HERC2: variants seen among roughly 807,000 people sequenced by gnomAD.
The protein encoded by HERC2 is E3 ubiquitin-protein ligase HERC2.
A neutral mutation model predicts 537.7 loss-of-function variants in HERC2; 102 were observed. The ratio of observed to expected loss-of-function variants is 0.19; its 90% CI spans 0.16 to 0.22. The LOEUF is 0.22. Ranked by LOEUF, HERC2 falls within the 10% of genes least tolerant of loss-of-function variation. The pLI is 1.00. For synonymous variants in HERC2, 2,224 were observed against 2,466.2 expected, an observed-to-expected ratio of 0.90 and a Z score of 2.91; for missense variants, 4,236 against 6,198.2, an observed-to-expected ratio of 0.68 and a Z score of 10.63.
In HERC2 at chr15:28,213,942, C is replaced by T. The variant is rs200403368; in HGVS notation, c.6586G>A (p.Glu2196Lys). 12 of 1,613,944 alleles carry T rather than the reference C, an allele frequency of 7.4e-6. No individual in the cohort carries two copies. Among genetic ancestry groups the T allele is most frequent in the East Asian group, 2.2e-5 (1 of 44,880 alleles). ...AQLEDYFPDS[E>K]NPEVGGLMAV... ...ATGAGGCCCCCCACTTCAGGGTTCT[C>T]GGAGTCGGGGAAGTAGTCCTCTAAC... Residue 2196 changes from glutamate to lysine, a missense_variant, in exon 42 of 93, where the codon GAG (glutamate) becomes AAG (lysine). By Grantham distance (56) the Glu-to-Lys change is moderately conservative. Transcript: ENST00000261609.
chr15:28,203,491 G>A (rs925173750), intron 45 of HERC2: 1 of 152,068 alleles, frequency 6.6e-6, no homozygotes, highest in African/African-American at 2.4e-5. Context: ...TTGAGAGTTA[G>A]GATGCACTGG....
chr15:28,305,443 A>C (rs1421498790), intron 2 of HERC2, among the ~76,000 whole-genome samples: 10 of 139,418 alleles, frequency 7.2e-5, no homozygotes, highest in East Asian at 4.0e-4. Context: ...TTCCCTATTT[A>C]ATAAATGGTG....
chr15:28,287,939 T>C (rs1354816394), intron 4 of HERC2, among the ~76,000 whole-genome samples: 1 of 152,072 alleles, frequency 6.6e-6, no homozygotes, highest in African/African-American at 2.4e-5. Context: ...TTAGCCAGCA[T>C]GGTCTCGATC....
chr15:28,228,227 G>T lies in HERC2; in HGVS notation c.5455C>A (p.Arg1819Ser), dbSNP rs202167023. ...GCGGGTGCAGACCTACCAATCAGGC[G>T]CAGTGCCGTCTGCGTGAGGGCCAGC... Reference protein sequence around the residue: ...GMLALTQTALRLIGPSCDNVE... With the variant: ...GMLALTQTALSLIGPSCDNVE... Residue 1819 changes from arginine to serine, a missense_variant, in exon 35 of 93, where the codon CGC (arginine) becomes AGC (serine). Arg to Ser is a moderately radical substitution (Grantham distance 110, BLOSUM62 -1). Coordinates refer to ENST00000261609, the MANE Select transcript of HERC2 (RefSeq NM_004667.6). 7 of 1,613,314 alleles carry T rather than the reference G, an allele frequency of 4.3e-6. No homozygotes were observed. Among genetic ancestry groups the T allele is most frequent in the Non-Finnish European group, 5.9e-6 (7 of 1,179,728 alleles).
At chr15:28,119,726 T>A (rs1888672759) in intron 86 of HERC2, among the ~76,000 whole-genome samples, 1 of 152,074 alleles carries the variant, frequency 6.6e-6, no homozygotes, top group Non-Finnish European at 1.5e-5. Flanking sequence ...AGTGCTGGGA[T>A]TACAGGCATG....
In HERC2 at chr15:28,186,740, T is replaced by C. The variant is rs1267298415; in HGVS notation, c.8662A>G (p.Ile2888Val). ...LNDCTEYHRY[I>V]EIAIKQCRSS... The stretch of plus-strand genomic sequence containing the variant: ...CTGCACTGCTTTATAGCAATTTCAA[T>C]ATACCTGTGATACTAGACACAAAAA... The change falls in exon 56 of 93, where the codon ATT becomes GTT. Residue 2888 changes from isoleucine to valine, a missense_variant. Physicochemically the swap from Ile to Val is conservative, Grantham distance 29. Coordinates refer to ENST00000261609, the MANE Select transcript of HERC2 (RefSeq NM_004667.6). 1 of 1,613,052 alleles carries C rather than the reference T, an allele frequency of 6.2e-7. No homozygotes were observed. The highest frequency in any genetic ancestry group is 2.2e-5 in the East Asian group (1 of 44,878).
chr15:28,130,625 C>A (rs773153037), intron 81 of HERC2, 31 bp from the exon 82 acceptor site: 1 of 1,471,862 alleles, frequency 6.8e-7, no homozygotes, highest in Non-Finnish European at 9.5e-7. Flanking sequence ...ATTAGACAGA[C>A]AGCAACAAGG....
At chr15:28,210,429 C>T (rs934847305) in intron 44 of HERC2, among the ~76,000 whole-genome samples, 28 of 152,350 alleles carry the variant, frequency 1.8e-4, no homozygotes, top group African/African-American at 6.7e-4. Context: ...AGCCATTGTG[C>T]CCGGCTGGTG....
Position 28,169,404 on chromosome 15 carries a change from G to A in HERC2, c.10229+80C>T, listed in dbSNP as rs1181370108. The stretch of plus-strand genomic sequence containing the variant: ...TAATACAACATTCTTGGAGACATCT[G>A]ATCAACGAAAAGAAAAAAAATCACA... On this transcript the variant is annotated intron_variant, in intron 66 of 92. Coordinates refer to ENST00000261609, the MANE Select transcript of HERC2 (RefSeq NM_004667.6). 4.9e-5 allele frequency: 50 copies of A among 1,027,556 alleles called. 1 individual carries two copies. The highest frequency in any genetic ancestry group is 7.2e-5 in the Non-Finnish European group (50 of 693,464). 63.7% of individuals were successfully genotyped at this position (1,027,556 alleles called of 1,614,324 possible). A position where few individuals can be genotyped will look rare whatever the true frequency, so the allele number is the denominator to read the frequency against.
At chr15:28,240,228 C>T (rs1425406528) in intron 23 of HERC2, among the ~76,000 whole-genome samples, 7 of 152,134 alleles carry the variant, frequency 4.6e-5, no homozygotes, top group Admixed American at 1.3e-4. Flanking sequence ...ACCATCCTGG[C>T]TAACACGGTG....
rs1448642690 is a variant in HERC2 at position 28,113,562 on chromosome 15, G to T, written c.14019+11C>A. On this transcript the variant is annotated intron_variant, in intron 91 of 92. Transcript: ENST00000261609. This position sits in a 1 kb window ranked among gnomAD's most constrained non-coding sequence, Gnocchi z 7.0. ...CAGCTGCAGGGCAGCCCCACCTGGG[G>T]GTCGGCATACCATCGTCTCCAGTTC... 1.2e-6 allele frequency: 2 copies of T among 1,611,190 alleles called. No individual in the cohort carries two copies. Among genetic ancestry groups the T allele is most frequent in the African/African-American group, 2.7e-5 (2 of 74,864 alleles).
intron 4 of HERC2, among the ~76,000 whole-genome samples, chr15:28,291,387 G>A (rs2076306726): frequency 6.6e-6 from 1 of 151,994 alleles, no homozygotes; most frequent in South Asian, 2.1e-4. Flanking sequence ...ACCATGGCAG[G>A]CGTCACAAAT....
chr15:28,288,535 CAAA>C (rs1216166029), intron 4 of HERC2, among the ~76,000 whole-genome samples: 11 of 82,406 alleles, frequency 1.3e-4, no homozygotes, highest in Admixed American at 1.3e-4. Context: ...AACTCCGACT[CAAA>C]AAAAAAAAAA....
In HERC2 at chr15:28,141,739, C is replaced by G. The variant is rs1407489266; in HGVS notation, c.11808G>C (p.Trp3936Cys). 2 of 1,613,372 alleles carry G rather than the reference C, an allele frequency of 1.2e-6. No homozygotes were observed. Among genetic ancestry groups the G allele is most frequent in the Admixed American group, 1.7e-5 (1 of 60,028 alleles). ...KREQDEQLVQWMNRRPDDWTL... is the reference protein window; with the variant it reads ...KREQDEQLVQCMNRRPDDWTL... ...GTTTCTAATATAATAACCTGTTCAT[C>G]CACTGCACAAGTTGTTCGTCTTGCT... Residue 3936 changes from tryptophan (W) to cysteine (C), a missense_variant, in exon 77 of 93, where the codon TGG becomes TGC. By Grantham distance (215) the Trp-to-Cys change is radical (BLOSUM62 -2). Transcript: ENST00000261609.
intron 45 of HERC2, among the ~76,000 whole-genome samples, chr15:28,204,637 T>TA (rs1898220293): frequency 6.9e-6 from 1 of 145,144 alleles, no homozygotes; most frequent in Non-Finnish European, 1.5e-5. Context: ...AAAAAAAAGA[T>TA]AGACTTAAAG....
intron 88 of HERC2, among the ~76,000 whole-genome samples, chr15:28,116,307 G>A (rs759886060): frequency 2.0e-5 from 3 of 151,278 alleles, no homozygotes; most frequent in Non-Finnish European, 4.4e-5. Context: ...TCCGCCTCCC[G>A]GGTTCAAGCA....
At chr15:28,220,747 T>C (rs893598175) in intron 36 of HERC2, 103 bp from the exon 37 acceptor site, 3 of 907,722 alleles carry the variant, frequency 3.3e-6, no homozygotes, top group African/African-American at 3.3e-5. Flanking sequence ...TGCCCTGCCC[T>C]GGTCCTTCCA....
At chr15:28,263,981 T>C (rs1200292665) in intron 14 of HERC2, among the ~76,000 whole-genome samples, 1 of 126,136 alleles carries the variant, frequency 7.9e-6, no homozygotes, top group Admixed American at 9.2e-5. Context: ...ATTGCACCAC[T>C]GCACACCAGC....
At chr15:28,146,612 CA>C (rs1891767271) in intron 70 of HERC2, among the ~76,000 whole-genome samples, 1 of 126,744 alleles carries the variant, frequency 7.9e-6, no homozygotes, top group Non-Finnish European at 1.8e-5. Flanking sequence ...CTACTGCAAC[CA>C]CACTCCCCTG....
Sources: allele counts gnomAD v4.1 joint callset (sites outside exome capture counted in the v4.1 genomes callset), GRCh38; gene constraint gnomAD v4.1.1; non-coding constraint Gnocchi (gnomAD v3.1); transcripts MANE v1.5; gene names NCBI Gene and HGNC (gene_info 2026-07-23, HGNC 2026-07-21).